Variants in SAMD3 observed in about 807,000 individuals in gnomAD.
SAMD3 encodes the protein sterile alpha motif domain containing 3, also known as sterile alpha motif domain-containing protein 3.
In SAMD3, 63 loss-of-function variants were observed where a neutral mutation model predicts 58.5. The ratio of observed to expected loss-of-function variants is 1.08; its 90% CI spans 0.88 to 1.33. SAMD3 has a LOEUF of 1.33. Among genes scored for constraint, SAMD3 ranks in the 40% most tolerant of loss-of-function variants. SAMD3 has a pLI of 0.00. For synonymous variants in SAMD3, 220 were observed against 210.3 expected, an observed-to-expected ratio of 1.05 and a Z score of -0.40; for missense variants, 604 against 608.4, an observed-to-expected ratio of 0.99 and a Z score of 0.08.
intron 5 of SAMD3, among the ~76,000 whole-genome samples, chr6:130,186,918 ATG>A (rs1273796908): frequency 2.6e-5 from 4 of 151,864 alleles, no homozygotes; most frequent in African/African-American, 4.8e-5. Context: ...CTACAGGCGC[ATG>A]CCACCGTGCC....
At chr6:130,222,510 A>C (rs1174237216) in intron 1 of SAMD3, among the ~76,000 whole-genome samples, 184 bp downstream of exon 1, 2 of 152,224 alleles carry the variant, frequency 1.3e-5, no homozygotes, top group African/African-American at 4.8e-5. Flanking sequence ...GTAGAATGAA[A>C]TGCTTGGTTA....
intron 5 of SAMD3, among the ~76,000 whole-genome samples, chr6:130,193,816 G>A (rs550287504): frequency 1.4e-4 from 21 of 152,200 alleles, no homozygotes; most frequent in Admixed American, 2.6e-4. Context: ...ATAGGCAAAC[G>A]GTCTGAGGTG....
chr6:130,244,751 A>C (rs1773483640), intron 2 of SAMD3, among the ~76,000 whole-genome samples: 1 of 145,172 alleles, frequency 6.9e-6, no homozygotes, highest in African/African-American at 2.8e-5. Flanking sequence ...AAAAAAATAA[A>C]AATAAAAATA....
At chr6:130,195,369 T>C (rs1420300453) in intron 5 of SAMD3, among the ~76,000 whole-genome samples, 20 of 152,210 alleles carry the variant, frequency 1.3e-4, no homozygotes, top group Admixed American at 1.3e-3. Flanking sequence ...AAGCCTGTTA[T>C]CACTCGCCTG....
intron 1 of SAMD3, among the ~76,000 whole-genome samples, chr6:130,364,479 A>G (rs1478254710): frequency 6.6e-6 from 1 of 152,082 alleles, no homozygotes; most frequent in Non-Finnish European, 1.5e-5. Flanking sequence ...ATGTGGCTTC[A>G]GGGTGTTTCT....
intron 11 of SAMD3, 64 bp from the exon 12 acceptor site, chr6:130,144,868 C>T: frequency 7.2e-7 from 1 of 1,381,892 alleles, no homozygotes; most frequent in East Asian, 2.3e-5. Context: ...AACATCTGAA[C>T]TTAATCATGG....
chr6:130,189,211 G>A (rs1793302606), intron 5 of SAMD3, among the ~76,000 whole-genome samples: 1 of 151,822 alleles, frequency 6.6e-6, no homozygotes, highest in African/African-American at 2.4e-5. Context: ...CAACGTGACT[G>A]TACTTGGAGA....
intron 5 of SAMD3, among the ~76,000 whole-genome samples, chr6:130,187,556 T>G (rs1793119975): frequency 6.6e-6 from 1 of 152,162 alleles, no homozygotes; most frequent in African/African-American, 2.4e-5. Context: ...AAATGAGTAT[T>G]ACACACGAAA....
intron 9 of SAMD3, among the ~76,000 whole-genome samples, chr6:130,149,359 AC>A (rs758323569): frequency 2.0e-5 from 3 of 152,230 alleles, no homozygotes; most frequent in Non-Finnish European, 4.4e-5. Context: ...ATTTGACCCA[AC>A]AATCCCATTA....
At chr6:130,228,623 C>G (rs1002001833) in intron 2 of SAMD3, among the ~76,000 whole-genome samples, 1 of 152,176 alleles carries the variant, frequency 6.6e-6, no homozygotes, top group Non-Finnish European at 1.5e-5. Flanking sequence ...CTGGGAGCCG[C>G]GGGTGTTAAG....
chr6:130,250,309 C>T (rs750177871), intron 2 of SAMD3, among the ~76,000 whole-genome samples: 3 of 152,136 alleles, frequency 2.0e-5, no homozygotes, highest in Non-Finnish European at 4.4e-5. Flanking sequence ...ACAGGGTCTA[C>T]CAGGCGCCCT....
intron 2 of SAMD3, among the ~76,000 whole-genome samples, chr6:130,297,210 T>C (rs949259777): frequency 2.0e-5 from 3 of 152,242 alleles, no homozygotes; most frequent in African/African-American, 4.8e-5. Flanking sequence ...ATACATCCAA[T>C]GCATCACTAC....
rs1322452319 is a variant in SAMD3 at position 130,351,593 on chromosome 6, A to G, written c.-304+13527T>C. Among the ~76,000 whole-genome samples, 3 of 152,192 alleles carry G rather than the reference A, an allele frequency of 2.0e-5. No individual in the cohort carries two copies. In the East Asian group the frequency reaches 5.8e-4, roughly 29 times the overall value. On this transcript the variant is annotated intron_variant, in intron 1 of 13. Transcript: ENST00000368134. ...CAGGAAACAACAGGTGCTGGAGAGGATGTGGAGAAATAGGAACACTTTTAC... is the reference window on the plus strand; with the variant it reads ...CAGGAAACAACAGGTGCTGGAGAGGGTGTGGAGAAATAGGAACACTTTTAC...
In SAMD3 at chr6:130,146,114, G is replaced by C. The variant is rs1788604591; in HGVS notation, c.1091C>G (p.Ser364Cys). 7 of 1,600,662 alleles carry C rather than the reference G, an allele frequency of 4.4e-6. No individual in the cohort carries two copies. Among genetic ancestry groups the C allele is most frequent in the Non-Finnish European group, 6.0e-6 (7 of 1,172,950 alleles). The change falls in exon 10 of 12, where the codon TCC (serine) becomes TGC (cysteine). Residue 364 changes from serine (S) to cysteine (C), a missense_variant. Ser to Cys is a moderately radical substitution (Grantham distance 112). Coordinates refer to ENST00000439090, the MANE Select transcript of SAMD3 (RefSeq NM_001017373.4). ...IYKKTRHILE[S>C]YSENILTSFS... ...AGAAGTCAGTATATTTTCTGAATAG[G>C]ATTCCAAAATGTGCCTTGTTTTCTT...
chr6:130,223,925 G>A (rs1489714844), upstream of SAMD3, among the ~76,000 whole-genome samples: 1 of 152,206 alleles, frequency 6.6e-6, no homozygotes, highest in East Asian at 1.9e-4. Context: ...CAAGGACAGA[G>A]GGCTTTCTGT....
intron 2 of SAMD3, among the ~76,000 whole-genome samples, chr6:130,254,734 T>C (rs1773867996): frequency 6.6e-6 from 1 of 152,216 alleles, no homozygotes; most frequent in Admixed American, 6.5e-5. Context: ...TTGTGATATC[T>C]TTGTCTGGCT....
At chr6:130,271,257 C>G (rs1306571780) in intron 2 of SAMD3, among the ~76,000 whole-genome samples, 1 of 152,154 alleles carries the variant, frequency 6.6e-6, no homozygotes, top group Non-Finnish European at 1.5e-5. Flanking sequence ...GCCTCAGCCT[C>G]CCAAAGTGCT....
chr6:130,358,739 AC>A (rs1777904715), intron 1 of SAMD3, among the ~76,000 whole-genome samples: 1 of 149,862 alleles, frequency 6.7e-6, no homozygotes, highest in Non-Finnish European at 1.5e-5. Context: ...ACACACACAC[AC>A]ACACACACAC....
Position 130,305,799 on chromosome 6 carries a change from T to C in SAMD3, c.-188+7179A>G, listed in dbSNP as rs142802032. On this transcript the variant is annotated intron_variant, in intron 2 of 13. Coordinates refer to the SAMD3 transcript ENST00000368134. ...AAAATAAATTGCTAATGTGCTAATA[T>C]TGCTAATGCTAATATTTTGTTTAGG... Among the ~76,000 whole-genome samples, 213 of 152,356 alleles carry C rather than the reference T, an allele frequency of 1.4e-3. 1 individual carries two copies. Among genetic ancestry groups the C allele is most frequent in the African/African-American group, 4.9e-3 (202 of 41,584 alleles).
Sources: allele counts gnomAD v4.1 joint callset (sites outside exome capture counted in the v4.1 genomes callset), GRCh38; gene constraint gnomAD v4.1.1; transcripts MANE v1.5; gene names NCBI Gene and HGNC (gene_info 2026-07-23, HGNC 2026-07-21).